Variants in PKP4 observed in about 807,000 individuals in gnomAD.
PKP4 encodes the protein plakophilin-4.
In PKP4, 90 loss-of-function variants were observed where a neutral mutation model predicts 145.1. That is an observed-to-expected ratio of 0.62 (90% CI 0.52 to 0.74). PKP4 has a LOEUF of 0.74. Among genes scored for constraint, PKP4 ranks in the 30% least tolerant of loss-of-function variants. The pLI is 0.00. For missense variants in PKP4, 1,340 were observed against 1,482.7 expected, an observed-to-expected ratio of 0.90 and a Z score of 1.58; for synonymous variants, 563 against 577.2, an observed-to-expected ratio of 0.98 and a Z score of 0.35.
intron 1 of PKP4, among the ~76,000 whole-genome samples, chr2:158,504,157 A>G (rs571109882): frequency 5.9e-5 from 9 of 152,254 alleles, no homozygotes; most frequent in Non-Finnish European, 1.0e-4. Flanking sequence ...GACTTGTATT[A>G]CTTGATAAAT....
At chr2:158,502,868 T>C (rs1302705371) in intron 1 of PKP4, among the ~76,000 whole-genome samples, 6 of 152,244 alleles carry the variant, frequency 3.9e-5, no homozygotes, top group African/African-American at 1.2e-4. Flanking sequence ...AAGCAAAGAA[T>C]AGTAAGTTCT....
In PKP4 at chr2:158,546,474, A is replaced by G. The variant is rs114595502; in HGVS notation, c.132+13158A>G. Reference sequence around the variant, plus strand: ...TCTTCTTTTTTTAAGTAATCACAAGATATTTGGGAGTTTGGTTGTCCTTCT... The same window carrying G: ...TCTTCTTTTTTTAAGTAATCACAAGGTATTTGGGAGTTTGGTTGTCCTTCT... On this transcript the variant is annotated intron_variant, in intron 2 of 21. Transcript: ENST00000389759. 8.4e-3 allele frequency among the ~76,000 whole-genome samples: 1,273 copies of G among 152,210 alleles called. 20 individuals carry two copies. The highest frequency in any genetic ancestry group is 0.029 in the African/African-American group (1,211 of 41,524).
intron 8 of PKP4, 38 bp from the exon 9 acceptor site, chr2:158,634,032 A>G: frequency 8.8e-7 from 1 of 1,137,258 alleles, no homozygotes; most frequent in Non-Finnish European, 1.3e-6. Context: ...GATCTCATGG[A>G]GAACATACTA....
intron 1 of PKP4, among the ~76,000 whole-genome samples, chr2:158,531,889 C>G (rs1237581781): frequency 1.3e-5 from 2 of 152,148 alleles, no homozygotes; most frequent in African/African-American, 4.8e-5. Flanking sequence ...GGGAAATGCA[C>G]AGATAAACTA....
intron 2 of PKP4, among the ~76,000 whole-genome samples, chr2:158,559,419 C>T (rs1163383013): frequency 1.3e-5 from 2 of 152,060 alleles, no homozygotes; most frequent in Admixed American, 1.3e-4. Flanking sequence ...GGCACTGTCC[C>T]AGGCATTAAG....
chr2:158,612,321 A>C (rs1487116974), intron 4 of PKP4, among the ~76,000 whole-genome samples: 1 of 152,210 alleles, frequency 6.6e-6, no homozygotes, highest in African/African-American at 2.4e-5. Flanking sequence ...ATGTGTTTCT[A>C]TATCAGTATA....
intron 1 of PKP4, among the ~76,000 whole-genome samples, chr2:158,530,503 T>TC (rs1559281151): frequency 2.4e-5 from 3 of 122,696 alleles, no homozygotes; most frequent in Admixed American, 9.5e-5. Flanking sequence ...ACTCTTTCTT[T>TC]CTTTTTTTTT....
In PKP4 at chr2:158,662,808, A is replaced by G. The variant is rs565630272; in HGVS notation, c.2212-89A>G. ...AAAAAGTAGTTCTTTCATATTTCCCATTTATTTCCTGTCTGTAGTGTTCAG... is the reference window on the plus strand; with the variant it reads ...AAAAAGTAGTTCTTTCATATTTCCCGTTTATTTCCTGTCTGTAGTGTTCAG... On this transcript the variant is annotated intron_variant, in intron 13 of 21. Coordinates refer to ENST00000389759, the MANE Select transcript of PKP4 (RefSeq NM_003628.6). 5.8e-5 allele frequency: 55 copies of G among 953,268 alleles called. No homozygotes were observed. The African/African-American group carries it at 7.0e-4, about 12-fold the overall frequency. The allele number at this position is 953,268 out of a possible 1,614,324, so 59.1% of individuals were successfully genotyped here. A position where few individuals can be genotyped will look rare whatever the true frequency, so the allele number is the denominator to read the frequency against.
At chr2:158,465,456 A>ATTATCTAT (rs2105384847) in intron 1 of PKP4, among the ~76,000 whole-genome samples, 1 of 152,332 alleles carries the variant, frequency 6.6e-6, no homozygotes. Context: ...ATTAATCATA[A>ATTATCTAT]TGACAATACA....
chr2:158,624,302 A>G (rs1475939038), intron 6 of PKP4, among the ~76,000 whole-genome samples: 1 of 152,246 alleles, frequency 6.6e-6, no homozygotes, highest in Non-Finnish European at 1.5e-5. Flanking sequence ...CCAGACCCAC[A>G]CTTGATCCAA....
intron 2 of PKP4, among the ~76,000 whole-genome samples, chr2:158,545,073 CTTTTTT>C (rs386391605): frequency 4.1e-5 from 3 of 72,510 alleles, no homozygotes; most frequent in Non-Finnish European, 7.1e-5. Context: ...AAGTCTTTCA[CTTTTTT>C]TTTTTTTTTT....
chr2:158,494,326 T>TC (rs1283848642), intron 1 of PKP4, among the ~76,000 whole-genome samples: 27 of 152,276 alleles, frequency 1.8e-4, no homozygotes, highest in African/African-American at 6.5e-4. Flanking sequence ...CTTTATATAG[T>TC]CTTACTTGAA....
intron 2 of PKP4, among the ~76,000 whole-genome samples, chr2:158,546,242 T>C (rs1398504926): frequency 6.6e-6 from 1 of 152,226 alleles, no homozygotes; most frequent in Non-Finnish European, 1.5e-5. Flanking sequence ...ATATGTTCTT[T>C]TCCCAATTTA....
intron 6 of PKP4, among the ~76,000 whole-genome samples, chr2:158,624,612 G>A (rs1337728293): frequency 6.6e-6 from 1 of 151,436 alleles, no homozygotes; most frequent in Non-Finnish European, 1.5e-5. Flanking sequence ...AGATAAAAAA[G>A]GAGTATTAAA....
chr2:158,583,693 G>C (rs1574618497), intron 3 of PKP4, among the ~76,000 whole-genome samples: 1 of 151,880 alleles, frequency 6.6e-6, no homozygotes, highest in East Asian at 1.9e-4. Context: ...ACTTTTAAAA[G>C]TTTGCTGTAT....
chr2:158,614,795 A>G (rs564208895), intron 4 of PKP4, among the ~76,000 whole-genome samples: 3 of 152,232 alleles, frequency 2.0e-5, no homozygotes, highest in African/African-American at 7.2e-5. Context: ...GCTTTTAGTG[A>G]TATGTGAAGA....
chr2:158,626,665 C>T (rs924805021), intron 7 of PKP4, among the ~76,000 whole-genome samples: 1 of 152,184 alleles, frequency 6.6e-6, no homozygotes, highest in Non-Finnish European at 1.5e-5. Context: ...GTCTACACTG[C>T]ACTAGTGCTG....
chr2:158,669,904 CA>C lies in PKP4; in HGVS notation c.2914del (p.Arg972GlyfsTer7). 6.2e-7 allele frequency: 1 copy of C among 1,609,810 alleles called. No homozygotes were observed. Among genetic ancestry groups the C allele is most frequent in the Non-Finnish European group, 8.5e-7 (1 of 1,177,260 alleles). Reference protein sequence around the residue: ...IEKLVNITKGRGDRSSLKVVK... With the variant: ...IEKLVNITKGXGDRSSLKVVK... ...AGAAGCTGGTGAACATAACCAAAGG[CA>C]GGGGCGACAGGCAAGTCTGCGGCAA... is the stretch of plus-strand genomic sequence containing the variant. On this transcript the variant is annotated frameshift_variant, in exon 17 of 22. Transcript: ENST00000389759. LOFTEE classifies it high-confidence loss of function.
intron 4 of PKP4, among the ~76,000 whole-genome samples, chr2:158,609,945 G>A (rs2050986854): frequency 6.6e-6 from 1 of 152,188 alleles, no homozygotes; most frequent in African/African-American, 2.4e-5. Context: ...CAAAGAACGA[G>A]GAAGAGCTGC....
Sources: gnomAD v4.1 joint callset for allele counts (sites outside exome capture counted in the v4.1 genomes callset) on GRCh38, gnomAD v4.1.1 for gene constraint, MANE v1.5 for transcripts, NCBI Gene and HGNC (gene_info 2026-07-23, HGNC 2026-07-21) for gene names.